The following TUSC3 variants were observed in gnomAD, a reference collection of about 807,000 sequenced individuals.
The protein encoded by TUSC3 is dolichyl-diphosphooligosaccharide--protein glycosyltransferase subunit TUSC3.
A neutral mutation model predicts 44.8 loss-of-function variants in TUSC3; 45 were observed. The observed-to-expected ratio is 1.00, with a 90% CI of 0.79 to 1.29. The LOEUF (loss-of-function observed/expected upper bound fraction) is 1.29, where lower values mean the gene tolerates loss of function less well. TUSC3 is among the 50% of genes most tolerant of loss of function. The probability of loss-of-function intolerance (pLI) is 0.00; values close to 1 mark genes in which losing one functional copy is unlikely to be tolerated. For missense variants in TUSC3, 519 were observed against 437.9 expected (o/e 1.19, Z -1.65); for synonymous variants, 212 against 152.9 (o/e 1.39, Z -2.85).
intron 7 of TUSC3, 147 bp downstream of exon 7, chr8:15,730,876 G>T: frequency 1.4e-6 from 1 of 711,992 alleles, no homozygotes; most frequent in Non-Finnish European, 2.4e-6. Flanking sequence ...TATTTTTTAT[G>T]CTAATTATTT....
chr8:15,639,498 T>C (rs1563148234), intron 2 of TUSC3, among the ~76,000 whole-genome samples: 1 of 152,246 alleles, frequency 6.6e-6, no homozygotes, highest in Non-Finnish European at 1.5e-5. Flanking sequence ...TTTATTTATA[T>C]AGGTTATAAC....
At chr8:15,745,175 A>C (rs1811357766) in intron 8 of TUSC3, among the ~76,000 whole-genome samples, 1 of 151,976 alleles carries the variant, frequency 6.6e-6, no homozygotes, top group African/African-American at 2.4e-5. Flanking sequence ...CATTTTCTTT[A>C]TCTAGTCCGT....
At chr8:15,629,553 G>GTT (rs71211066) in intron 2 of TUSC3, among the ~76,000 whole-genome samples, 1,778 of 128,998 alleles carry the variant, frequency 0.014, 27 homozygotes, top group South Asian at 0.036. Flanking sequence ...CGGCCATCTT[G>GTT]TTTTTTTTTT....
chr8:15,835,067 A>G, the TUSC3 span, among the ~76,000 whole-genome samples: 1 of 152,144 alleles, frequency 6.6e-6, no homozygotes, highest in Non-Finnish European at 1.5e-5. Context: ...CCTTTCATAA[A>G]CAATTTTTTG....
At chr8:15,505,968 T>A (rs1183495228) in intron 2 of TUSC3, among the ~76,000 whole-genome samples, 1 of 152,162 alleles carries the variant, frequency 6.6e-6, no homozygotes, top group Non-Finnish European at 1.5e-5. Context: ...AAGCAATTTT[T>A]AAAAATCTAT....
chr8:15,801,374 A>G, the TUSC3 span, among the ~76,000 whole-genome samples: 3 of 152,116 alleles, frequency 2.0e-5, no homozygotes, highest in African/African-American at 7.2e-5. Flanking sequence ...GAATGCATCA[A>G]TGTGTGGGGT....
chr8:15,776,805 T>G, the TUSC3 span, among the ~76,000 whole-genome samples: 1 of 152,168 alleles, frequency 6.6e-6, no homozygotes, highest in Non-Finnish European at 1.5e-5. Context: ...CATTGGTGTC[T>G]TCCAGAACGA....
intron 2 of TUSC3, among the ~76,000 whole-genome samples, chr8:15,638,967 G>C (rs1314069191): frequency 6.6e-6 from 1 of 150,722 alleles, no homozygotes. Context: ...ATGATCATGT[G>C]TCGATGCTAG....
chr8:15,616,002 A>T (rs981064964), intron 1 of TUSC3, among the ~76,000 whole-genome samples: 5 of 151,764 alleles, frequency 3.3e-5, no homozygotes, highest in South Asian at 2.1e-4. Flanking sequence ...TGGCTCATTT[A>T]AAAAAAAATT....
intron 1 of TUSC3, among the ~76,000 whole-genome samples, chr8:15,552,657 A>G (rs1008637156): frequency 7.2e-4 from 109 of 151,764 alleles, no homozygotes; most frequent in African/African-American, 2.4e-3. Flanking sequence ...GGGTGGGGGA[A>G]TAGTGGATTG....
At chr8:15,746,272 A>ATGTT (rs542427915) in intron 8 of TUSC3, among the ~76,000 whole-genome samples, 5 of 152,106 alleles carry the variant, frequency 3.3e-5, no homozygotes, top group East Asian at 1.9e-4. Context: ...CTCTTGGTAG[A>ATGTT]TGTTTGTTTC....
At chr8:15,548,497 A>T (rs1801950446) in intron 1 of TUSC3, among the ~76,000 whole-genome samples, 1 of 151,810 alleles carries the variant, frequency 6.6e-6, no homozygotes, top group South Asian at 2.1e-4. Context: ...TGAGAATGTG[A>T]TGCTTTGGTT....
the TUSC3 span, among the ~76,000 whole-genome samples, chr8:15,807,997 TA>T: frequency 2.2e-5 from 1 of 45,184 alleles, no homozygotes; most frequent in Non-Finnish European, 6.1e-5. Context: ...CCTGTATATG[TA>T]CCTCTATTGA....
intron 2 of TUSC3, among the ~76,000 whole-genome samples, chr8:15,507,814 TA>T (rs1021287977): frequency 1.3e-5 from 2 of 150,870 alleles, no homozygotes; most frequent in Non-Finnish European, 1.5e-5. Flanking sequence ...TATAGTTAAA[TA>T]AAAAAAAGGC....
chr8:15,822,548 G>C, the TUSC3 span, among the ~76,000 whole-genome samples: 2 of 152,148 alleles, frequency 1.3e-5, no homozygotes, highest in African/African-American at 4.8e-5. Flanking sequence ...TGCTGATGCT[G>C]CTGGTCTGAG....
At chr8:15,693,023 C>T (rs906306199) in intron 6 of TUSC3, among the ~76,000 whole-genome samples, 1 of 152,210 alleles carries the variant, frequency 6.6e-6, no homozygotes, top group Non-Finnish European at 1.5e-5. Flanking sequence ...TTTCCTCCAT[C>T]TCTTCACATT....
At chr8:15,840,363 A>C in the TUSC3 span, among the ~76,000 whole-genome samples, 1 of 152,118 alleles carries the variant, frequency 6.6e-6, no homozygotes, top group Non-Finnish European at 1.5e-5. Flanking sequence ...GTACCCTAGA[A>C]CTTAAAGTAT....
intron 8 of TUSC3, among the ~76,000 whole-genome samples, chr8:15,745,380 C>T (rs1433694744): frequency 2.6e-5 from 4 of 152,020 alleles, no homozygotes; most frequent in Admixed American, 1.3e-4. Flanking sequence ...TGAGAAATCT[C>T]GAAACTGTTT....
At chr8:15,564,659 C>T (rs1802598822) in intron 1 of TUSC3, among the ~76,000 whole-genome samples, 1 of 152,140 alleles carries the variant, frequency 6.6e-6, no homozygotes, top group African/African-American at 2.4e-5. Context: ...TCTTCACAGA[C>T]ACAAGCTAGA....
Sources: gnomAD v4.1 joint callset for allele counts (sites outside exome capture counted in the v4.1 genomes callset) on GRCh38, gnomAD v4.1.1 for gene constraint, MANE v1.5 for transcripts, NCBI Gene and HGNC (gene_info 2026-07-23, HGNC 2026-07-21) for gene names.